The following HAS2 variants were observed in gnomAD, a reference collection of about 807,000 sequenced individuals.
The protein encoded by HAS2 is HA synthase 2.
In HAS2, 16 loss-of-function variants were observed where a neutral mutation model predicts 51.6. The observed-to-expected ratio is 0.31, with a 90% CI of 0.21 to 0.47. The LOEUF is 0.47. HAS2 is among the 20% of genes least tolerant of loss of function. The probability of loss-of-function intolerance (pLI) is 1.00; values close to 1 mark genes in which losing one functional copy is unlikely to be tolerated. For synonymous variants in HAS2, 228 were observed against 235.5 expected, an observed-to-expected ratio of 0.97 and a Z score of 0.29; for missense variants, 361 against 662.6, an observed-to-expected ratio of 0.54 and a Z score of 5.00.
Position 121,614,815 on chromosome 8 carries a change from G to T in HAS2, c.953C>A (p.Thr318Lys). 1 of 1,614,212 alleles carries T rather than the reference G, an allele frequency of 6.2e-7. No homozygotes were observed. The highest frequency in any genetic ancestry group is 1.1e-5 in the South Asian group (1 of 91,082). ...ATAGCCCAGGCTCAGCACCCGGTTCGTGAGATGCCTGTCATCACCAAAGCT... is the reference window on the plus strand; with the variant it reads ...ATAGCCCAGGCTCAGCACCCGGTTCTTGAGATGCCTGTCATCACCAAAGCT... Reference protein sequence around the residue: ...QCSFGDDRHLTNRVLSLGYAT... With the variant: ...QCSFGDDRHLKNRVLSLGYAT... The change falls in exon 4 of 4, where the codon ACG becomes AAG. Residue 318 changes from threonine to lysine, a missense_variant. Physicochemically the swap from Thr to Lys is moderately conservative, Grantham distance 78. This residue lies in a region of HAS2 where 106 missense variants were observed against 241.0 expected (regional missense o/e 0.44). Transcript: ENST00000303924. The surrounding 1 kb of genome is among the most constrained non-coding windows in gnomAD (Gnocchi z 7.2).
intron 2 of HAS2, among the ~76,000 whole-genome samples, chr8:121,625,703 T>TTTTTG (rs1812839984): frequency 8.8e-6 from 1 of 113,858 alleles, no homozygotes; most frequent in Non-Finnish European, 1.8e-5. Flanking sequence ...TTTTTTTTTG[T>TTTTTG]AGAGATGAGG....
intron 1 of HAS2, among the ~76,000 whole-genome samples, chr8:121,638,828 T>A (rs529845512): frequency 6.6e-6 from 1 of 152,144 alleles, no homozygotes; most frequent in African/African-American, 2.4e-5. Flanking sequence ...CTTGCACACA[T>A]TGGAAGGAAA....
intron 1 of HAS2, among the ~76,000 whole-genome samples, chr8:121,632,746 C>T (rs1412718982): frequency 6.9e-6 from 1 of 145,874 alleles, no homozygotes; most frequent in African/African-American, 2.5e-5. Context: ...TCATCATCAT[C>T]ATCATCATCA....
intron 1 of HAS2, among the ~76,000 whole-genome samples, chr8:121,630,855 C>A (rs560467065): frequency 6.6e-6 from 1 of 152,222 alleles, no homozygotes; most frequent in Admixed American, 6.5e-5. Flanking sequence ...CAAGAGGCAC[C>A]ATTCACACAG....
chr8:121,628,549 T>C (rs866457587), intron 2 of HAS2, among the ~76,000 whole-genome samples, 165 bp downstream of exon 2: 32 of 151,680 alleles, frequency 2.1e-4, no homozygotes, highest in Non-Finnish European at 3.8e-4. Context: ...AGTTTTTTTT[T>C]CCCTTTTTCA....
intron 2 of HAS2, among the ~76,000 whole-genome samples, chr8:121,625,097 CAAAAAAAAAAA>C (rs537345385): frequency 0.024 from 1,364 of 57,974 alleles, 38 homozygotes; most frequent in African/African-American, 0.081. Context: ...GACTCCGTCT[CAAAAAAAAAAA>C]AAAAAAAAAA....
rs1812893312 is a variant in HAS2 at position 121,629,032 on chromosome 8, C to G, written c.309G>C (p.Leu103Phe). The change falls in exon 2 of 4, where the codon TTG becomes TTC. Residue 103 changes from leucine to phenylalanine, a missense_variant. Leu to Phe is a conservative substitution (Grantham distance 22). Transcript: ENST00000303924. ...QEDPDYLRKC[L>F]QSVKRLTYPG... ...GGTAGGTTAGCCTTTTCACAGATTG[C>G]AAACATTTCCTTAAGTAGTCTGGAT... 1 of 1,613,938 alleles carries G rather than the reference C, an allele frequency of 6.2e-7. No homozygotes were observed. The highest frequency in any genetic ancestry group is 1.1e-5 in the South Asian group (1 of 91,080).
chr8:121,625,776 C>G (rs1385684315), intron 2 of HAS2, among the ~76,000 whole-genome samples: 1 of 144,598 alleles, frequency 6.9e-6, no homozygotes, highest in Non-Finnish European at 1.5e-5. Flanking sequence ...CTGCCTTGGT[C>G]TCTTAAAGCA....
intron 2 of HAS2, 70 bp downstream of exon 2, chr8:121,628,644 A>T (rs778966497): frequency 1.3e-4 from 186 of 1,401,624 alleles, no homozygotes; most frequent in Non-Finnish European, 1.8e-4. Flanking sequence ...GCTATAGCAT[A>T]TGACTGGACA....
At chr8:121,638,692 C>T (rs999528512) in intron 1 of HAS2, among the ~76,000 whole-genome samples, 7 of 152,120 alleles carry the variant, frequency 4.6e-5, no homozygotes, top group Non-Finnish European at 8.8e-5. Flanking sequence ...GTAAAAGAAT[C>T]GCCAAACTAT....
chr8:121,625,243 A>G (rs764761094), intron 2 of HAS2, among the ~76,000 whole-genome samples: 3 of 152,162 alleles, frequency 2.0e-5, no homozygotes, highest in Non-Finnish European at 2.9e-5. Context: ...GAAAGTGTCA[A>G]TCAGTTGGGT....
Position 121,628,765 on chromosome 8 carries a change from T to C in HAS2, c.576A>G (p.Glu192=). Residue 192 remains glutamate (E), a synonymous_variant, in exon 2 of 4, where the codon GAA becomes GAG. Coordinates refer to ENST00000303924, the MANE Select transcript of HAS2 (RefSeq NM_005328.3). The part of the protein sequence containing the change: ...CIMQKWGGKR[E]VMYTAFRALG... ...GTGCTCTGAAGGCTGTGTACATGAC[T>C]TCTCTTTTTCCACCCCATTTTTGCA... 1.9e-6 allele frequency: 3 copies of C among 1,614,148 alleles called. No individual in the cohort carries two copies. Among genetic ancestry groups the C allele is most frequent in the Non-Finnish European group, 2.5e-6 (3 of 1,179,980 alleles).
intron 1 of HAS2, among the ~76,000 whole-genome samples, chr8:121,634,537 T>C (rs1404920173): frequency 2.1e-5 from 3 of 142,062 alleles, no homozygotes; most frequent in African/African-American, 9.4e-5. Context: ...GGAGCTTGTG[T>C]AGTTCAATTA....
chr8:121,630,300 A>G (rs1812913141), intron 1 of HAS2, among the ~76,000 whole-genome samples: 1 of 152,212 alleles, frequency 6.6e-6, no homozygotes, highest in Non-Finnish European at 1.5e-5. Flanking sequence ...GACCTGAAAC[A>G]CGTTTCCACT....
In HAS2 at chr8:121,637,390, C is replaced by CTTTTT. The variant is rs397728062; in HGVS notation, c.-1+3458_-1+3462dup. 2.4e-3 allele frequency among the ~76,000 whole-genome samples: 312 copies of CTTTTT among 130,728 alleles called. 31 individuals are homozygous for CTTTTT. Among genetic ancestry groups the CTTTTT allele is most frequent in the African/African-American group, 4.1e-3 (139 of 33,772 alleles). 85.8% of individuals were successfully genotyped at this position (130,728 alleles called of 152,430 possible). The stretch of plus-strand genomic sequence containing the variant: ...CCACATGACTACCATTCAAAATAGA[C>CTTTTT]TTTTTTTTTTTTTTTTTTGAGATAG... On this transcript the variant is annotated intron_variant, in intron 1 of 3. Coordinates refer to ENST00000303924, the MANE Select transcript of HAS2 (RefSeq NM_005328.3).
At chr8:121,622,272 C>A (rs189132419) in intron 2 of HAS2, among the ~76,000 whole-genome samples, 8 of 152,164 alleles carry the variant, frequency 5.3e-5, no homozygotes, top group African/African-American at 1.9e-4. Context: ...GAACTCCTAC[C>A]AGTACAACCT....
Position 121,613,866 on chromosome 8 carries a change from AAAGTGCATAAACAAAG to A in HAS2, c.*227_*242del, listed in dbSNP as rs1324385535. ...TTTCAGGCGGATGCACAGTAAGGAA[AAAGTGCATAAACAAAG>A]AATTCATCCCATTTTCATAGAAATA... On this transcript the variant is annotated 3_prime_UTR_variant, in exon 4 of 4. Transcript: ENST00000303924. 1 of 575,034 alleles carries A rather than the reference AAAGTGCATAAACAAAG, an allele frequency of 1.7e-6. No individual in the cohort carries two copies. The highest frequency in any genetic ancestry group is 1.9e-5 in the African/African-American group (1 of 53,382). 35.6% of individuals were successfully genotyped at this position (575,034 alleles called of 1,614,324 possible).
intron 2 of HAS2, among the ~76,000 whole-genome samples, chr8:121,618,254 A>G (rs556151519): frequency 2.0e-5 from 3 of 150,290 alleles, no homozygotes; most frequent in South Asian, 4.1e-4. Flanking sequence ...ATAGGGCTTT[A>G]TATGTGGAAA....
At chr8:121,638,970 G>A (rs935125141) in intron 1 of HAS2, among the ~76,000 whole-genome samples, 5 of 152,192 alleles carry the variant, frequency 3.3e-5, no homozygotes, top group Admixed American at 2.6e-4. Flanking sequence ...CATCGTGTAT[G>A]TAAATATGTG....
Sources: gnomAD v4.1 joint callset for allele counts (sites outside exome capture counted in the v4.1 genomes callset) on GRCh38, gnomAD v4.1.1 for gene constraint, gnomAD v4.1.1 regional missense constraint, Gnocchi (gnomAD v3.1) non-coding constraint, MANE v1.5 for transcripts, NCBI Gene and HGNC (gene_info 2026-07-23, HGNC 2026-07-21) for gene names.